The following LYPLA2 variants were observed in gnomAD, a reference collection of about 807,000 sequenced individuals.
LYPLA2 encodes the protein acyl-protein thioesterase 2.
LYPLA2 carries 7 observed loss-of-function variants against 30.3 expected under a neutral mutation model. The ratio of observed to expected loss-of-function variants is 0.23; its 90% CI spans 0.13 to 0.43. LYPLA2 has a LOEUF of 0.43. LYPLA2 is among the 20% of genes least tolerant of loss of function. LYPLA2 has a pLI of 1.00. For missense variants in LYPLA2, 206 were observed against 307.9 expected (o/e 0.67, Z 2.48); for synonymous variants, 112 against 118.2 (o/e 0.95, Z 0.34).
In LYPLA2 at chr1:23,794,688, G is replaced by A. The variant is rs753383624; in HGVS notation, c.652G>A (p.Ala218Thr). Residue 218 changes from alanine to threonine, a missense_variant, in exon 10 of 10, where the codon GCA becomes ACA. Ala to Thr is a moderately conservative substitution (Grantham distance 58, BLOSUM62 0). Coordinates refer to ENST00000374514, the MANE Select transcript of LYPLA2 (RefSeq NM_007260.3). The surrounding 1 kb of genome is among the most constrained non-coding windows in gnomAD (Gnocchi z 5.9). ...CCCCTCTTAATCCCCTCAGGAGATG[G>A]CAGCTGTGAAGGAATTTCTTGAGAA... Reference protein sequence around the residue: ...VMHSSCPQEMAAVKEFLEKLL... With the variant: ...VMHSSCPQEMTAVKEFLEKLL... 2.5e-6 allele frequency: 4 copies of A among 1,614,192 alleles called. No individual in the cohort carries two copies. The South Asian group carries it at 4.4e-5, about 18-fold the overall frequency.
chr1:23,794,310 C>T lies in LYPLA2; in HGVS notation c.456C>T (p.His152=). 6.2e-7 allele frequency: 1 copy of T among 1,612,780 alleles called. No individual in the cohort carries two copies. Among genetic ancestry groups the T allele is most frequent in the Non-Finnish European group, 8.5e-7 (1 of 1,179,666 alleles). Residue 152 remains histidine (H), a synonymous_variant, in exon 8 of 10, where the codon CAC becomes CAT. Transcript: ENST00000374514. This position sits in a 1 kb window ranked among gnomAD's most constrained non-coding sequence, Gnocchi z 5.9. ...IVALSCWLPL[H]RAFPQAANGS... ...CGTTGAGCTGCTGGCTGCCTCTGCA[C>T]CGGGCCTTCCCCCAGGTGAATGTCC... is the stretch of plus-strand genomic sequence containing the variant.
At position 23,794,788 on chromosome 1, in the gene LYPLA2, G is replaced by C; in HGVS notation, c.*56G>C. 6.3e-7 allele frequency: 1 copy of C among 1,597,118 alleles called. No homozygotes were observed. The highest frequency in any genetic ancestry group is 2.2e-5 in the East Asian group (1 of 44,630). ...CTCATGGGGGACTCAGCAAGCAAGC[G>C]TGGCACCATCTTGGATCTGAGCCGG... On this transcript the variant is annotated 3_prime_UTR_variant, in exon 10 of 10. Coordinates refer to ENST00000374514, the MANE Select transcript of LYPLA2 (RefSeq NM_007260.3). The surrounding 1 kb of genome is among the most constrained non-coding windows in gnomAD (Gnocchi z 5.9).
Position 23,794,703 on chromosome 1 carries a change from T to C in LYPLA2, c.667T>C (p.Phe223Leu), listed in dbSNP as rs780503017. The C allele has an allele frequency of 6.2e-7, 1 of 1,614,174 alleles. No individual in the cohort carries two copies. Among genetic ancestry groups the C allele is most frequent in the Non-Finnish European group, 8.5e-7 (1 of 1,180,022 alleles). Residue 223 changes from phenylalanine (F) to leucine (L), a missense_variant, in exon 10 of 10, where the codon TTT becomes CTT. Physicochemically the swap from Phe to Leu is conservative, Grantham distance 22 (BLOSUM62 0). Coordinates refer to ENST00000374514, the MANE Select transcript of LYPLA2 (RefSeq NM_007260.3). This position sits in a 1 kb window ranked among gnomAD's most constrained non-coding sequence, Gnocchi z 5.9. ...TCAGGAGATGGCAGCTGTGAAGGAA[T>C]TTCTTGAGAAGCTGCTGCCTCCTGT... ...CPQEMAAVKE[F>L]LEKLLPPV
In LYPLA2 at chr1:23,794,238, C is replaced by T. The variant is rs760177439; in HGVS notation, c.384C>T (p.Ser128=). 5 of 1,610,808 alleles carry T rather than the reference C, an allele frequency of 3.1e-6. No individual in the cohort carries two copies. Among genetic ancestry groups the T allele is most frequent in the Non-Finnish European group, 4.2e-6 (5 of 1,179,260 alleles). ...CCTCCCTCCAGGGCGGGGCCCTGTC[C>T]CTCTACACGGCCCTCACCTGCCCCC... ...LGGFSQGGAL[S]LYTALTCPHP... is the part of the protein sequence containing the mutation. The change falls in exon 8 of 10, where the codon TCC becomes TCT. Residue 128 remains serine (S), a synonymous_variant. Transcript: ENST00000374514. This position sits in a 1 kb window ranked among gnomAD's most constrained non-coding sequence, Gnocchi z 5.9.
Position 23,794,161 on chromosome 1 carries a change from A to T in LYPLA2, c.369+25A>T. ...GGTGAGGGGAGAGGGGTGGGGGGGTAGGGGGTAGGGGTGGCCGGTGAGTGA... is the reference window on the plus strand; with the variant it reads ...GGTGAGGGGAGAGGGGTGGGGGGGTTGGGGGTAGGGGTGGCCGGTGAGTGA... On this transcript the variant is annotated intron_variant, in intron 7 of 9. Transcript: ENST00000374514. The surrounding 1 kb of genome is among the most constrained non-coding windows in gnomAD (Gnocchi z 5.9). 4.7e-5 allele frequency: 9 copies of T among 190,326 alleles called. No homozygotes were observed. The highest frequency in any genetic ancestry group is 9.2e-5 in the Non-Finnish European group (9 of 97,480). The allele number at this position is 190,326 out of a possible 1,614,324, so 11.8% of individuals were successfully genotyped here.
At chr1:23,792,623 G>C in intron 1 of LYPLA2, 34 bp from the exon 2 acceptor site, 2 of 1,417,836 alleles carry the variant, frequency 1.4e-6, no homozygotes, top group Admixed American at 3.4e-5. Flanking sequence ...CCTGTGCCTG[G>C]TTTTGCTCTT....
intron 1 of LYPLA2, among the ~76,000 whole-genome samples, chr1:23,791,504 G>A (rs933582716): frequency 1.3e-5 from 2 of 152,168 alleles, no homozygotes; most frequent in South Asian, 4.1e-4. Context: ...AGAGTCAAAG[G>A]TACAAAGCTT....
chr1:23,793,938 C>T lies in LYPLA2; in HGVS notation c.295+8C>T, dbSNP rs752388030. 5 of 1,612,742 alleles carry T rather than the reference C, an allele frequency of 3.1e-6. No individual in the cohort carries two copies. The highest frequency in any genetic ancestry group is 1.1e-5 in the South Asian group (1 of 91,068). ...AGAAGGCAGCAGAGAACAGTAAGACCCCAGCCCCTCCTCCACATCCTCCTT... is the reference window on the plus strand; with the variant it reads ...AGAAGGCAGCAGAGAACAGTAAGACTCCAGCCCCTCCTCCACATCCTCCTT... On this transcript the variant is annotated splice_region_variant and intron_variant, in intron 6 of 9. Coordinates refer to ENST00000374514, the MANE Select transcript of LYPLA2 (RefSeq NM_007260.3). This position sits in a 1 kb window ranked among gnomAD's most constrained non-coding sequence, Gnocchi z 6.0.
rs544609642 is a variant in LYPLA2 at position 23,793,628 on chromosome 1, G to A, written c.177-77G>A. On this transcript the variant is annotated intron_variant, in intron 4 of 9. Coordinates refer to ENST00000374514, the MANE Select transcript of LYPLA2 (RefSeq NM_007260.3). This position sits in a 1 kb window ranked among gnomAD's most constrained non-coding sequence, Gnocchi z 6.0. ...TGGGAGGGGCCACCAGGGGCGGCGC[G>A]GCCCCACTCCGGGCTCTGAGCTCTG... 3.4e-5 allele frequency: 50 copies of A among 1,472,982 alleles called. No individual in the cohort carries two copies. The Admixed American group carries it at 4.0e-4, about 12-fold the overall frequency. The allele number at this position is 1,472,982 out of a possible 1,614,324, so 91.2% of individuals were successfully genotyped here.
In LYPLA2 at chr1:23,793,797, G is replaced by A. The variant is rs1383747461; in HGVS notation, c.224+45G>A. On this transcript the variant is annotated intron_variant, in intron 5 of 9. Transcript: ENST00000374514. The surrounding 1 kb of genome is among the most constrained non-coding windows in gnomAD (Gnocchi z 6.0). ...TGGGCAGGGGGACGAGGACACTTGG[G>A]CTGAGGGAGCCACAGGGGGCTGGCT... The A allele has an allele frequency of 6.2e-7, 1 of 1,612,824 alleles. No homozygotes were observed. Among genetic ancestry groups the A allele is most frequent in the Non-Finnish European group, 8.5e-7 (1 of 1,178,826 alleles).
In LYPLA2 at chr1:23,793,247, A is replaced by C; in HGVS notation, c.176+31A>C. On this transcript the variant is annotated intron_variant, in intron 4 of 9. Coordinates refer to ENST00000374514, the MANE Select transcript of LYPLA2 (RefSeq NM_007260.3). The surrounding 1 kb of genome is among the most constrained non-coding windows in gnomAD (Gnocchi z 6.0). ...TGTCACCCCAGCAAGGGAGGGGCTG[A>C]GGCTGGGGATCATCTGGGGGTGGTC... 6.2e-7 allele frequency: 1 copy of C among 1,605,166 alleles called. No individual in the cohort carries two copies. The highest frequency in any genetic ancestry group is 8.5e-7 in the Non-Finnish European group (1 of 1,173,506).
rs749096693 is a variant in LYPLA2, at chr1:23,794,153, G to C, written c.369+17G>C. 4.8e-6 allele frequency: 7 copies of C among 1,446,208 alleles called. No individual in the cohort carries two copies. The highest frequency in any genetic ancestry group is 2.3e-5 in the East Asian group (1 of 42,744). The allele number at this position is 1,446,208 out of a possible 1,614,324, so 89.6% of individuals were successfully genotyped here. A position where few individuals can be genotyped will look rare whatever the true frequency, so the allele number is the denominator to read the frequency against. ...TTTTCACAGGTGAGGGGAGAGGGGTGGGGGGGTAGGGGGTAGGGGTGGCCG... is the reference window on the plus strand; with the variant it reads ...TTTTCACAGGTGAGGGGAGAGGGGTCGGGGGGTAGGGGGTAGGGGTGGCCG... On this transcript the variant is annotated intron_variant, in intron 7 of 9. Transcript: ENST00000374514. The surrounding 1 kb of genome is among the most constrained non-coding windows in gnomAD (Gnocchi z 5.9).
chr1:23,792,581 T>A (rs2232976), intron 1 of LYPLA2, 76 bp from the exon 2 acceptor site: 1 of 853,606 alleles, frequency 1.2e-6, no homozygotes, highest in East Asian at 2.4e-5. Context: ...GTGGGGCTGA[T>A]GGCCTGGTGG....
At chr1:23,791,338 T>C (rs1386900370) in intron 1 of LYPLA2, 88 bp downstream of exon 1, 10 of 16,226 alleles carry the variant, frequency 6.2e-4, no homozygotes, top group Admixed American at 3.6e-3. Flanking sequence ...GGAACCGTGA[T>C]GGGGGGGATG....
chr1:23,794,735 A>G lies in LYPLA2; in HGVS notation c.*3A>G. Reference sequence around the variant, plus strand: ...AGAAGCTGCTGCCTCCTGTCTAACTAGTCGCTGGCCCCAGTGCAGTACCCC... The same window carrying G: ...AGAAGCTGCTGCCTCCTGTCTAACTGGTCGCTGGCCCCAGTGCAGTACCCC... On this transcript the variant is annotated 3_prime_UTR_variant, in exon 10 of 10. Transcript: ENST00000374514. This position sits in a 1 kb window ranked among gnomAD's most constrained non-coding sequence, Gnocchi z 5.9. 1.9e-6 allele frequency: 3 copies of G among 1,614,078 alleles called. No individual in the cohort carries two copies. The highest frequency in any genetic ancestry group is 2.5e-6 in the Non-Finnish European group (3 of 1,179,986).
chr1:23,795,011 G>T lies in LYPLA2; in HGVS notation c.*279G>T. The stretch of plus-strand genomic sequence containing the variant: ...GTATTGGAGGGGCTACAGGCAGCTG[G>T]AGAAAGGGGCCCAGCCGCTGACCCA... On this transcript the variant is annotated 3_prime_UTR_variant, in exon 10 of 10. Transcript: ENST00000374514. The T allele has an allele frequency of 1.5e-6, 1 of 653,210 alleles. No homozygotes were observed. The highest frequency in any genetic ancestry group is 1.5e-5 in the South Asian group (1 of 65,826). 40.5% of individuals were successfully genotyped at this position (653,210 alleles called of 1,614,324 possible). A position where few individuals can be genotyped will look rare whatever the true frequency, so the allele number is the denominator to read the frequency against.
intron 2 of LYPLA2, 67 bp from the exon 3 acceptor site, chr1:23,792,941 G>C (rs1209716130): frequency 1.3e-6 from 2 of 1,548,368 alleles, no homozygotes; most frequent in Admixed American, 3.5e-5. Context: ...GGGTGGGGGA[G>C]GGGTGGGCAG....
chr1:23,792,811 A>G, intron 2 of LYPLA2, 51 bp downstream of exon 2: 1 of 1,521,308 alleles, frequency 6.6e-7, no homozygotes, highest in Non-Finnish European at 9.1e-7. Flanking sequence ...CAGCTGGAGG[A>G]CCGGCTGGAG....
Position 23,793,736 on chromosome 1 carries a change from A to G in LYPLA2, c.208A>G (p.Met70Val), listed in dbSNP as rs1638850851. The change falls in exon 5 of 10, where the codon ATG becomes GTG. Residue 70 changes from methionine (M) to valine (V), a missense_variant. Coordinates refer to ENST00000374514, the MANE Select transcript of LYPLA2 (RefSeq NM_007260.3). This position sits in a 1 kb window ranked among gnomAD's most constrained non-coding sequence, Gnocchi z 6.0. Reference sequence around the variant, plus strand: ...GATCCCTGTGACCCTCAACATGAAGATGGTGATGCCCTCCTGGTGAGTTTG... The same window carrying G: ...GATCCCTGTGACCCTCAACATGAAGGTGGTGATGCCCTCCTGGTGAGTTTG... ...PRIPVTLNMK[M>V]VMPSWFDLMG... 6.2e-7 allele frequency: 1 copy of G among 1,613,882 alleles called. No individual in the cohort carries two copies. The highest frequency in any genetic ancestry group is 1.7e-5 in the Admixed American group (1 of 60,006).
Sources: gnomAD v4.1 joint callset for allele counts (sites outside exome capture counted in the v4.1 genomes callset) on GRCh38, gnomAD v4.1.1 for gene constraint, Gnocchi (gnomAD v3.1) non-coding constraint, MANE v1.5 for transcripts, NCBI Gene and HGNC (gene_info 2026-07-23, HGNC 2026-07-21) for gene names.